The following HERC2 variants were observed in gnomAD, a reference collection of about 807,000 sequenced individuals.
The protein encoded by HERC2 is HECT and RLD domain containing E3 ubiquitin protein ligase 2, also known as E3 ubiquitin-protein ligase HERC2.
In HERC2, 102 loss-of-function variants were observed where a neutral mutation model predicts 537.7. The observed-to-expected ratio is 0.19, with a 90% CI of 0.16 to 0.22. The LOEUF (loss-of-function observed/expected upper bound fraction) is 0.22. HERC2 is among the 10% of genes least tolerant of loss of function. HERC2 has a pLI of 1.00. For missense variants in HERC2, 4,236 were observed against 6,198.2 expected (o/e 0.68, Z 10.63); for synonymous variants, 2,224 against 2,466.2 (o/e 0.90, Z 2.91).
intron 2 of HERC2, among the ~76,000 whole-genome samples, chr15:28,311,390 G>C (rs1168525349): frequency 6.6e-6 from 1 of 152,296 alleles, no homozygotes; most frequent in Non-Finnish European, 1.5e-5. Context: ...CCTGAGCCCG[G>C]GGAGGTTAAG....
chr15:28,131,992 A>G (rs1179722687), intron 81 of HERC2, 108 bp downstream of exon 81: 13 of 940,664 alleles, frequency 1.4e-5, no homozygotes, highest in Non-Finnish European at 2.0e-5. Context: ...AGGAGCACAC[A>G]CGGGGGACAG....
chr15:28,266,174 T>C (rs1423686127), intron 12 of HERC2, among the ~76,000 whole-genome samples, 200 bp from the exon 13 acceptor site: 1 of 152,154 alleles, frequency 6.6e-6, no homozygotes, highest in East Asian at 1.9e-4. Flanking sequence ...TGGAACCCGA[T>C]GCCAAACATG....
At chr15:28,315,369 G>A in intron 2 of HERC2, among the ~76,000 whole-genome samples, 1 of 152,264 alleles carries the variant, frequency 6.6e-6, no homozygotes, top group Non-Finnish European at 1.5e-5. Flanking sequence ...GCGGAGACTG[G>A]AGCCGAAGGG....
rs576435292 is a variant in HERC2, at chr15:28,212,393, C to T, written c.6925+52G>A. ...CACTCATAAAAGAACACTGTACAAA[C>T]GACACGAGTTTAAGACGGCAGCTAT... On this transcript the variant is annotated intron_variant, in intron 43 of 92. Coordinates refer to ENST00000261609, the MANE Select transcript of HERC2 (RefSeq NM_004667.6). The T allele has an allele frequency of 8.2e-5, 123 of 1,496,812 alleles. 1 individual carries two copies. Among genetic ancestry groups the T allele is most frequent in the Non-Finnish European group, 1.0e-4 (108 of 1,082,010 alleles). The allele number at this position is 1,496,812 out of a possible 1,614,324, so 92.7% of individuals were successfully genotyped here.
intron 88 of HERC2, 123 bp downstream of exon 88, chr15:28,116,542 G>C: frequency 9.6e-7 from 1 of 1,039,436 alleles, no homozygotes; most frequent in Non-Finnish European, 1.4e-6. Context: ...ATTGGTAACA[G>C]TCTCAAAAAC....
At chr15:28,172,146 A>G (rs1894770131) in intron 65 of HERC2, among the ~76,000 whole-genome samples, 1 of 152,180 alleles carries the variant, frequency 6.6e-6, no homozygotes, top group African/African-American at 2.4e-5. Context: ...CACCTAAAAA[A>G]TAAAGAGAAA....
intron 90 of HERC2, 69 bp downstream of exon 90, chr15:28,114,543 T>C (rs76083033): frequency 2.1e-6 from 3 of 1,405,910 alleles, no homozygotes; most frequent in African/African-American, 3.1e-5. Flanking sequence ...AAAACACACA[T>C]GTCCACACAA....
At chr15:28,142,448 C>T in intron 75 of HERC2, 55 bp from the exon 76 acceptor site, 1 of 1,561,078 alleles carries the variant, frequency 6.4e-7, no homozygotes, top group Admixed American at 1.9e-5. Context: ...AGTGAACAGG[C>T]CAAGGTTTCT....
At chr15:28,200,771 A>G (rs985308481) in intron 48 of HERC2, among the ~76,000 whole-genome samples, 1 of 147,190 alleles carries the variant, frequency 6.8e-6, no homozygotes, top group African/African-American at 2.5e-5. Context: ...TAATGCTGGT[A>G]AACAGAAATG....
intron 89 of HERC2, 79 bp from the exon 90 acceptor site, chr15:28,114,881 C>CT: frequency 8.0e-7 from 1 of 1,245,270 alleles, no homozygotes; most frequent in Admixed American, 2.0e-5. Flanking sequence ...CCAGCACACT[C>CT]TGTCAAGCAG....
intron 56 of HERC2, among the ~76,000 whole-genome samples, chr15:28,184,248 T>G (rs1896092263): frequency 6.6e-6 from 1 of 152,114 alleles, no homozygotes; most frequent in Non-Finnish European, 1.5e-5. Flanking sequence ...TGTATGCATG[T>G]ATGTATGGGA....
intron 69 of HERC2, among the ~76,000 whole-genome samples, chr15:28,156,565 T>G (rs1025324423): frequency 6.6e-6 from 1 of 152,212 alleles, no homozygotes; most frequent in Non-Finnish European, 1.5e-5. Context: ...CTGTTATTGA[T>G]GTATAAGAAT....
At chr15:28,187,230 CA>C (rs1320262707) in intron 55 of HERC2, among the ~76,000 whole-genome samples, 1 of 152,126 alleles carries the variant, frequency 6.6e-6, no homozygotes, top group Non-Finnish European at 1.5e-5. Flanking sequence ...AACATGTGAC[CA>C]ATCTTGTTCA....
At chr15:28,169,940 TG>T (rs1479837361) in intron 65 of HERC2, among the ~76,000 whole-genome samples, 2 of 152,244 alleles carry the variant, frequency 1.3e-5, no homozygotes, top group Non-Finnish European at 2.9e-5. Flanking sequence ...ATATAAACTA[TG>T]AAAATGCTAC....
In HERC2 at chr15:28,226,224, G is replaced by T. The variant is rs547613280; in HGVS notation, c.5464+1994C>A. Reference sequence around the variant, plus strand: ...GCACTATTCCCCAAAACAATCTACAGATTCAATCCCTAGCAAAAATCCCAA... The same window carrying T: ...GCACTATTCCCCAAAACAATCTACATATTCAATCCCTAGCAAAAATCCCAA... On this transcript the variant is annotated intron_variant, in intron 35 of 92. Coordinates refer to ENST00000261609, the MANE Select transcript of HERC2 (RefSeq NM_004667.6). 1.4e-3 allele frequency among the ~76,000 whole-genome samples: 217 copies of T among 152,182 alleles called. 7 individuals carry two copies. Among genetic ancestry groups the T allele is most frequent in the Non-Finnish European group, 3.4e-4 (23 of 68,036 alleles).
At chr15:28,128,039 T>G (rs1199523935) in intron 83 of HERC2, among the ~76,000 whole-genome samples, 1 of 152,122 alleles carries the variant, frequency 6.6e-6, no homozygotes, top group Non-Finnish European at 1.5e-5. Flanking sequence ...AAACTGCATG[T>G]CACCTGCAAG....
rs1347613987 is a variant in HERC2, at chr15:28,295,307, G to T, written c.188-2285C>A. Among the ~76,000 whole-genome samples the T allele has an allele frequency of 6.0e-4, 41 of 68,756 alleles. 1 individual carries two copies. The East Asian group carries it at 0.016, about 27-fold the overall frequency. The allele number at this position is 68,756 out of a possible 152,430, so 45.1% of individuals were successfully genotyped here. A position where few individuals can be genotyped will look rare whatever the true frequency, so the allele number is the denominator to read the frequency against. ...AGGCCAGACTCTGTCCTACATGTGT[G>T]TGGGGGGGGGGGAGTGGGGGGGAGG... On this transcript the variant is annotated intron_variant, in intron 3 of 92. Transcript: ENST00000261609.
At chr15:28,240,410 T>A (rs1030148085) in intron 23 of HERC2, among the ~76,000 whole-genome samples, 1 of 152,016 alleles carries the variant, frequency 6.6e-6, no homozygotes, top group African/African-American at 2.4e-5. Flanking sequence ...AGAGCGAGAC[T>A]CCGTCTAAAA....
At chr15:28,151,074 G>A (rs1892398636) in intron 70 of HERC2, among the ~76,000 whole-genome samples, 1 of 152,148 alleles carries the variant, frequency 6.6e-6, no homozygotes, top group African/African-American at 2.4e-5. Context: ...TAATAAATTC[G>A]AGAAAATTAG....
Sources: allele counts gnomAD v4.1 joint callset (sites outside exome capture counted in the v4.1 genomes callset), GRCh38; gene constraint gnomAD v4.1.1; transcripts MANE v1.5; gene names NCBI Gene and HGNC (gene_info 2026-07-23, HGNC 2026-07-21).